Variants in PTGR3 observed in about 807,000 individuals in gnomAD.
The protein encoded by PTGR3 is zinc binding alcohol dehydrogenase domain containing 2.
chr18:75,202,682 AAAG>A, the PTGR3 span, among the ~76,000 whole-genome samples: 2 of 151,628 alleles, frequency 1.3e-5, no homozygotes, highest in Admixed American at 6.6e-5. Context: ...AAAAAAAAGA[AAAG>A]AAGGAAAAAA....
chr18:75,204,366 G>C, the PTGR3 span, among the ~76,000 whole-genome samples: 3 of 152,260 alleles, frequency 2.0e-5, no homozygotes, highest in Admixed American at 1.3e-4. Flanking sequence ...CGCTGGACCG[G>C]GTTAGCAGAG....
At chr18:75,204,616 C>T in the PTGR3 span, among the ~76,000 whole-genome samples, 1 of 152,202 alleles carries the variant, frequency 6.6e-6, no homozygotes, top group South Asian at 2.1e-4. Context: ...TCAGCTCCAG[C>T]CGTGCAGTCC....
At chr18:75,196,556 A>T in the PTGR3 span, 57 of 144,476 alleles carry the variant, frequency 3.9e-4, no homozygotes, top group African/African-American at 1.4e-3. Context: ...GGCTTGAACC[A>T]GGGAGGTTGA....
chr18:75,207,032 G>C, the PTGR3 span, among the ~76,000 whole-genome samples: 3 of 152,162 alleles, frequency 2.0e-5, no homozygotes, highest in Admixed American at 2.0e-4. Flanking sequence ...CCTGAAGGGA[G>C]AGGAATCACA....
At chr18:75,201,968 C>A in the PTGR3 span, 4 of 1,614,240 alleles carry the variant, frequency 2.5e-6, no homozygotes, top group Non-Finnish European at 3.4e-6. Flanking sequence ...ACTTTGCCTT[C>A]TTTGAAAGCT....
chr18:75,196,156 C>T, the PTGR3 span: 3 of 152,188 alleles, frequency 2.0e-5, no homozygotes, highest in African/African-American at 7.2e-5. Flanking sequence ...GGATAAGACA[C>T]AATAATTTTA....
chr18:75,198,638 C>G, the PTGR3 span: 4 of 152,084 alleles, frequency 2.6e-5, no homozygotes, highest in Non-Finnish European at 5.9e-5. Context: ...TAGCATTTGG[C>G]TCTTTAGAAG....
chr18:75,201,771 A>AG, the PTGR3 span: 13 of 1,614,112 alleles, frequency 8.1e-6, no homozygotes, highest in Non-Finnish European at 1.0e-5. Flanking sequence ...TTTCGTAGCC[A>AG]GGGCGTCTAC....
chr18:75,202,891 G>A, the PTGR3 span, among the ~76,000 whole-genome samples: 1 of 152,200 alleles, frequency 6.6e-6, no homozygotes, highest in African/African-American at 2.4e-5. Context: ...ATTAAAGATT[G>A]ATGGAATGTG....
the PTGR3 span, chr18:75,202,435 G>A: frequency 3.3e-5 from 38 of 1,160,020 alleles, no homozygotes; most frequent in South Asian, 4.1e-4. Context: ...TGGCGACCCT[G>A]GAGGGGTTGC....
chr18:75,201,327 T>C, the PTGR3 span: 5 of 1,177,418 alleles, frequency 4.2e-6, no homozygotes, highest in East Asian at 7.2e-5. Context: ...ATTATATCCA[T>C]TACCAACTAA....
At chr18:75,208,900 C>A in the PTGR3 span, 3 of 1,568,704 alleles carry the variant, frequency 1.9e-6, no homozygotes, top group South Asian at 3.5e-5. Context: ...CCGGGCAGTC[C>A]CGGCTCAGGG....
the PTGR3 span, chr18:75,201,705 G>A: frequency 6.8e-5 from 109 of 1,614,200 alleles, no homozygotes; most frequent in South Asian, 6.5e-4. Flanking sequence ...TTTCACAGGC[G>A]AAAGGCCAGT....
the PTGR3 span, chr18:75,205,235 A>T: frequency 1.0e-6 from 1 of 985,602 alleles, no homozygotes. Context: ...GCTCCACCAG[A>T]AACAAGTTCA....
At chr18:75,201,757 G>T in the PTGR3 span, 1 of 1,614,198 alleles carries the variant, frequency 6.2e-7, no homozygotes, top group Non-Finnish European at 8.5e-7. Context: ...ACTATCAAGC[G>T]CCCTTTCGTA....
the PTGR3 span, among the ~76,000 whole-genome samples, chr18:75,204,211 G>C: frequency 2.0e-5 from 3 of 152,344 alleles, no homozygotes; most frequent in Non-Finnish European, 2.9e-5. Context: ...TCCCCACCTC[G>C]GGATGGGCGC....
At chr18:75,202,366 TGTTAC>T in the PTGR3 span, 1 of 1,588,652 alleles carries the variant, frequency 6.3e-7, no homozygotes, top group African/African-American at 1.4e-5. Flanking sequence ...CAAACAAATA[TGTTAC>T]GATGGGTTTT....
chr18:75,208,940 C>T, the PTGR3 span: 9 of 1,589,904 alleles, frequency 5.7e-6, no homozygotes, highest in Admixed American at 1.0e-4. Context: ...GGGGCTCAGC[C>T]GGGTCACCAC....
At chr18:75,205,599 G>T in the PTGR3 span, 1 of 610,556 alleles carries the variant, frequency 1.6e-6, no homozygotes, top group Non-Finnish European at 2.1e-6. Flanking sequence ...GAGCGATCCT[G>T]CGCAGGGGAG....
Sources: gnomAD v4.1 joint callset for allele counts (sites outside exome capture counted in the v4.1 genomes callset) on GRCh38, gnomAD v4.1.1 for gene constraint, MANE v1.5 for transcripts, NCBI Gene and HGNC (gene_info 2026-07-23, HGNC 2026-07-21) for gene names.